Variants in MYO1E observed in about 807,000 individuals in gnomAD.
MYO1E encodes the protein myosin IE.
A neutral mutation model predicts 151.1 loss-of-function variants in MYO1E; 68 were observed. The ratio of observed to expected loss-of-function variants is 0.45; its 90% CI spans 0.37 to 0.55. The LOEUF (loss-of-function observed/expected upper bound fraction) is 0.55. MYO1E is among the 20% of genes least tolerant of loss of function. The pLI is 0.00. For synonymous variants in MYO1E, 601 were observed against 501.7 expected, an observed-to-expected ratio of 1.20 and a Z score of -2.64; for missense variants, 1,363 against 1,389.3, an observed-to-expected ratio of 0.98 and a Z score of 0.30.
intron 6 of MYO1E, 49 bp from the exon 7 acceptor site, chr15:59,227,639 A>T (rs762954166): frequency 6.2e-7 from 1 of 1,607,918 alleles, no homozygotes; most frequent in East Asian, 2.2e-5. Context: ...ACAAAACATG[A>T]TGTCCCAAAC....
intron 1 of MYO1E, among the ~76,000 whole-genome samples, chr15:59,282,476 A>G (rs2080358367): frequency 6.6e-6 from 1 of 152,076 alleles, no homozygotes; most frequent in Non-Finnish European, 1.5e-5. Flanking sequence ...AGCATTACCA[A>G]AACGGTTCTG....
intron 18 of MYO1E, among the ~76,000 whole-genome samples, chr15:59,182,228 T>C (rs532226508): frequency 6.6e-6 from 1 of 152,328 alleles, no homozygotes; most frequent in Non-Finnish European, 1.5e-5. Context: ...ATTTTTATTT[T>C]TGAGATGGAG....
At chr15:59,209,002 G>A in intron 13 of MYO1E, 154 bp from the exon 14 acceptor site, 1 of 899,790 alleles carries the variant, frequency 1.1e-6, no homozygotes, top group Non-Finnish European at 1.7e-6. Flanking sequence ...GCAATTAATA[G>A]TCCCAAATAG....
Position 59,372,611 on chromosome 15 carries a change from G to A in MYO1E, c.-111C>T, listed in dbSNP as rs1430384928. 7.2e-7 allele frequency: 1 copy of A among 1,383,890 alleles called. No individual in the cohort carries two copies. Among genetic ancestry groups the A allele is most frequent in the East Asian group, 2.6e-5 (1 of 38,974 alleles). 85.7% of individuals were successfully genotyped at this position (1,383,890 alleles called of 1,614,324 possible). A position where few individuals can be genotyped will look rare whatever the true frequency, so the allele number is the denominator to read the frequency against. Reference sequence around the variant, plus strand: ...AAGTTGGTTCCCCTCGCCAAAAACAGGCTCCCGACACCCAAGCACTCACAG... The same window carrying A: ...AAGTTGGTTCCCCTCGCCAAAAACAAGCTCCCGACACCCAAGCACTCACAG... On this transcript the variant is annotated 5_prime_UTR_variant, in exon 1 of 28. Transcript: ENST00000288235.
intron 1 of MYO1E, among the ~76,000 whole-genome samples, chr15:59,325,792 G>C (rs548385497): frequency 6.6e-6 from 1 of 152,134 alleles, no homozygotes; most frequent in South Asian, 2.1e-4. Context: ...GGCATCTGTA[G>C]TGCTCAATGT....
intron 1 of MYO1E, among the ~76,000 whole-genome samples, chr15:59,335,875 C>T (rs938887122): frequency 6.6e-6 from 1 of 152,002 alleles, no homozygotes; most frequent in Non-Finnish European, 1.5e-5. Flanking sequence ...ATGAGTGTCA[C>T]GGACTATAAG....
chr15:59,315,267 C>T (rs1456689476), intron 1 of MYO1E, among the ~76,000 whole-genome samples: 1 of 152,110 alleles, frequency 6.6e-6, no homozygotes, highest in East Asian at 1.9e-4. Flanking sequence ...TTAACTAGTA[C>T]ACAACTCCTA....
rs777094542 is a variant in MYO1E at position 59,216,666 on chromosome 15, G to GTGTGTGTGTGTGTGTGTGTA, written c.1107+1224_1107+1225insTACACACACACACACACACA. On this transcript the variant is annotated intron_variant, in intron 10 of 27. Coordinates refer to ENST00000288235, the MANE Select transcript of MYO1E (RefSeq NM_004998.4). ...CCAGTGTGTGTGTGTGTGTGTATGT[G>GTGTGTGTGTGTGTGTGTGTA]TATATATATATATATATATACACAT... Among the ~76,000 whole-genome samples the GTGTGTGTGTGTGTGTGTGTA allele has an allele frequency of 3.9e-4, 12 of 30,890 alleles. 1 individual carries two copies. Among genetic ancestry groups the GTGTGTGTGTGTGTGTGTGTA allele is most frequent in the Admixed American group, 2.1e-3 (6 of 2,872 alleles). The allele number at this position is 30,890 out of a possible 152,430, so 20.3% of individuals were successfully genotyped here. A position where few individuals can be genotyped will look rare whatever the true frequency, so the allele number is the denominator to read the frequency against.
chr15:59,208,068 G>C lies in MYO1E; in HGVS notation c.1530+613C>G, dbSNP rs573196577. On this transcript the variant is annotated intron_variant, in intron 14 of 27. Coordinates refer to ENST00000288235, the MANE Select transcript of MYO1E (RefSeq NM_004998.4). ...GTGCAAAAACACTCTGGGAAATTCA[G>C]AATAAGCTTAAGCTTTAAAGTTGCC... The C allele has an allele frequency of 5.7e-6, 9 of 1,581,434 alleles. No individual in the cohort carries two copies. In the East Asian group the frequency reaches 1.6e-4, roughly 27 times the overall value.
intron 26 of MYO1E, among the ~76,000 whole-genome samples, chr15:59,139,444 T>C (rs2079395479): frequency 6.7e-6 from 1 of 149,316 alleles, no homozygotes; most frequent in African/African-American, 2.5e-5. Flanking sequence ...CCCTTCATTA[T>C]TACTCCTCAC....
At chr15:59,341,418 G>A (rs1694328769) in intron 1 of MYO1E, 1 of 152,028 alleles carries the variant, frequency 6.6e-6, no homozygotes, top group South Asian at 2.1e-4. Flanking sequence ...CTGTGAGCAT[G>A]CAAATGCTAG....
chr15:59,336,190 C>T (rs1196238502), intron 1 of MYO1E, among the ~76,000 whole-genome samples: 1 of 151,802 alleles, frequency 6.6e-6, no homozygotes, highest in African/African-American at 2.4e-5. Flanking sequence ...GGACAACATG[C>T]CAAAACGCCA....
chr15:59,315,955 G>GT (rs1321776106), intron 1 of MYO1E, among the ~76,000 whole-genome samples: 3 of 152,246 alleles, frequency 2.0e-5, no homozygotes, highest in Non-Finnish European at 4.4e-5. Flanking sequence ...ACACGTTTTT[G>GT]TAACATTTTG....
intron 4 of MYO1E, among the ~76,000 whole-genome samples, chr15:59,242,363 G>A (rs1468044440): frequency 2.6e-5 from 4 of 152,178 alleles, no homozygotes; most frequent in African/African-American, 9.7e-5. Flanking sequence ...ACAGTGACTG[G>A]TGTGGACGTG....
intron 1 of MYO1E, among the ~76,000 whole-genome samples, chr15:59,333,914 G>C (rs2080712973): frequency 6.6e-6 from 1 of 152,174 alleles, no homozygotes; most frequent in South Asian, 2.1e-4. Context: ...CCAGGTAATA[G>C]GGAAGCACAT....
chr15:59,301,869 G>C (rs1285872704), intron 1 of MYO1E, among the ~76,000 whole-genome samples: 4 of 152,192 alleles, frequency 2.6e-5, no homozygotes, highest in African/African-American at 4.8e-5. Context: ...TCATATCAAT[G>C]AGTTATTTTG....
intron 1 of MYO1E, among the ~76,000 whole-genome samples, chr15:59,364,764 G>T (rs1307965563): frequency 2.0e-5 from 3 of 152,006 alleles, no homozygotes; most frequent in Admixed American, 2.0e-4. Flanking sequence ...AGTTGGCCGG[G>T]CATGGTAGTG....
intron 19 of MYO1E, among the ~76,000 whole-genome samples, chr15:59,177,906 C>T (rs1247121604): frequency 6.6e-6 from 1 of 152,246 alleles, no homozygotes; most frequent in South Asian, 2.1e-4. Context: ...TCCCACCCGG[C>T]ACTCTGCTGC....
At chr15:59,321,337 A>G (rs1295997194) in intron 1 of MYO1E, among the ~76,000 whole-genome samples, 2 of 152,256 alleles carry the variant, frequency 1.3e-5, no homozygotes, top group Non-Finnish European at 2.9e-5. Context: ...CTGGGTATAC[A>G]TCGAAAAGAA....
Sources: gnomAD v4.1 joint callset for allele counts (sites outside exome capture counted in the v4.1 genomes callset) on GRCh38, gnomAD v4.1.1 for gene constraint, MANE v1.5 for transcripts, NCBI Gene and HGNC (gene_info 2026-07-23, HGNC 2026-07-21) for gene names.